PCNT: variants seen among roughly 807,000 people sequenced by gnomAD.
PCNT encodes the protein kendrin.
Under a neutral mutation model 380.4 loss-of-function variants are expected in PCNT, and 319 were observed. The ratio of observed to expected loss-of-function variants is 0.84; its 90% confidence interval spans 0.77 to 0.92. The LOEUF is 0.92. PCNT is among the 40% of genes least tolerant of loss of function. The pLI is 0.00. For missense variants in PCNT, 4,400 were observed against 4,255.3 expected, an observed-to-expected ratio of 1.03 and a Z score of -0.95; for synonymous variants, 1,845 against 1,735.2, an observed-to-expected ratio of 1.06 and a Z score of -1.57.
chr21:46,378,562 A>T (rs986795933), intron 15 of PCNT, among the ~76,000 whole-genome samples: 4 of 152,074 alleles, frequency 2.6e-5, no homozygotes, highest in Non-Finnish European at 5.9e-5. Context: ...CTGGCCTGCG[A>T]GATTTCCTCA....
chr21:46,402,629 C>T, intron 27 of PCNT, 146 bp downstream of exon 27: 2 of 808,390 alleles, frequency 2.5e-6, no homozygotes, highest in Non-Finnish European at 4.2e-6. Context: ...CAGAGAGCGC[C>T]CGATTCTGCC....
chr21:46,441,921 A>G (rs979330979), intron 43 of PCNT, among the ~76,000 whole-genome samples: 4 of 152,122 alleles, frequency 2.6e-5, no homozygotes, highest in African/African-American at 4.8e-5. Context: ...AGTGTCTGCT[A>G]TGCCTCAAAG....
chr21:46,389,381 A>C lies in PCNT; in HGVS notation c.3790A>C (p.Ser1264Arg), dbSNP rs770075787. ...QPIRRVFQSLSLAVDGLMEMA... is the reference protein window; with the variant it reads ...QPIRRVFQSLRLAVDGLMEMA... Reference sequence around the variant, plus strand: ...CATCCGGAGGGTCTTCCAGAGCCTCAGCCTGGCCGTGGACGGCCTCATGGA... The same window carrying C: ...CATCCGGAGGGTCTTCCAGAGCCTCCGCCTGGCCGTGGACGGCCTCATGGA... The change falls in exon 19 of 47, where the codon AGC becomes CGC. Residue 1264 changes from serine to arginine, a missense_variant. Ser to Arg is a moderately radical substitution (Grantham distance 110, BLOSUM62 -1). Coordinates refer to ENST00000359568, the MANE Select transcript of PCNT (RefSeq NM_006031.6). 3.7e-6 allele frequency: 6 copies of C among 1,614,066 alleles called. No individual in the cohort carries two copies. In the Admixed American group the frequency reaches 6.7e-5, roughly 18 times the overall value.
chr21:46,328,166 G>A (rs993085637), intron 2 of PCNT, among the ~76,000 whole-genome samples: 2 of 151,870 alleles, frequency 1.3e-5, no homozygotes, highest in Admixed American at 1.3e-4. Flanking sequence ...TTGAGTTGTT[G>A]GCAACAGTTA....
Position 46,331,876 on chromosome 21 carries a change from C to G in PCNT, c.268-2521C>G, listed in dbSNP as rs896634359. ...GGCCATTTTTTGGTAAAAGAACCAT[C>G]TGGCGGGACGCATTGGCTCATGCCT... On this transcript the variant is annotated intron_variant, in intron 2 of 46. Coordinates refer to ENST00000359568, the MANE Select transcript of PCNT (RefSeq NM_006031.6). 2.6e-5 allele frequency among the ~76,000 whole-genome samples: 4 copies of G among 152,116 alleles called. No individual in the cohort carries two copies. The East Asian group carries it at 7.7e-4, about 29-fold the overall frequency.
chr21:46,381,127 A>G (rs2085516351), intron 15 of PCNT, among the ~76,000 whole-genome samples: 1 of 149,420 alleles, frequency 6.7e-6, no homozygotes. Flanking sequence ...TAGTGAGCTG[A>G]GATCACACCA....
chr21:46,353,985 A>C lies in PCNT; in HGVS notation c.1680-2A>C. ...AGCTTTTATAAAATGTTTTCCCTTC[A>C]GGTTGTCCTGTGTGGGTTTAGAAGA... On this transcript the variant is annotated splice_acceptor_variant, in intron 10 of 46. Coordinates refer to ENST00000359568, the MANE Select transcript of PCNT (RefSeq NM_006031.6). LOFTEE classifies it high-confidence loss of function. 1.9e-6 allele frequency: 3 copies of C among 1,612,966 alleles called. No individual in the cohort carries two copies. The highest frequency in any genetic ancestry group is 1.7e-6 in the Non-Finnish European group (2 of 1,178,948).
rs975778078 is a variant in PCNT at position 46,436,765 on chromosome 21, C to T, written c.8997-214C>T. On this transcript the variant is annotated intron_variant, in intron 39 of 46. Coordinates refer to ENST00000359568, the MANE Select transcript of PCNT (RefSeq NM_006031.6). Reference sequence around the variant, plus strand: ...TTCCCGTGCTCGGTGGCGCGCCTCCCGGCTGGAGGTTTCTGAGCTCTGCAG... The same window carrying T: ...TTCCCGTGCTCGGTGGCGCGCCTCCTGGCTGGAGGTTTCTGAGCTCTGCAG... Among the ~76,000 whole-genome samples the T allele has an allele frequency of 4.6e-5, 7 of 152,262 alleles. No individual in the cohort carries two copies. The East Asian group carries it at 5.8e-4, about 13-fold the overall frequency.
intron 31 of PCNT, among the ~76,000 whole-genome samples, chr21:46,419,656 G>T (rs1301133703): frequency 6.6e-6 from 1 of 152,180 alleles, no homozygotes; most frequent in Non-Finnish European, 1.5e-5. Flanking sequence ...CAGTGTCCAG[G>T]TGAATGTCAT....
chr21:46,332,865 T>G (rs570103630), intron 2 of PCNT, among the ~76,000 whole-genome samples: 31 of 152,290 alleles, frequency 2.0e-4, no homozygotes, highest in African/African-American at 7.2e-4. Flanking sequence ...TGCCAGCATT[T>G]TGGGATGCTG....
intron 29 of PCNT, among the ~76,000 whole-genome samples, chr21:46,414,339 C>G (rs931079317): frequency 6.6e-6 from 1 of 152,112 alleles, no homozygotes; most frequent in African/African-American, 2.4e-5. Flanking sequence ...CTCCTCCAGT[C>G]CAAGGCCCAG....
At chr21:46,397,130 G>A (rs751419488) in intron 21 of PCNT, 135 bp from the exon 22 acceptor site, 75 of 726,976 alleles carry the variant, frequency 1.0e-4, no homozygotes, top group Non-Finnish European at 1.2e-4. Flanking sequence ...TTTAAAAGAT[G>A]GGCGTTTTAC....
In PCNT at chr21:46,432,231, C is replaced by T. The variant is rs747366106; in HGVS notation, c.8751+16C>T. ...GGAGAAGCTGGTGAGAGCCGCCTGC[C>T]GGCGGAGCGTCCACACCTAAAAACG... On this transcript the variant is annotated intron_variant, in intron 38 of 46. Transcript: ENST00000359568. 18 of 1,595,818 alleles carry T rather than the reference C, an allele frequency of 1.1e-5. No individual in the cohort carries two copies. The highest frequency in any genetic ancestry group is 5.6e-5 in the South Asian group (5 of 89,368).
rs1264878373 is a variant in PCNT at position 46,411,235 on chromosome 21, T to C, written c.5162T>C (p.Ile1721Thr). Reference protein sequence around the residue: ...SSEIEELKATIENLQENQKRL... With the variant: ...SSEIEELKATTENLQENQKRL... ...GAGATTGAAGAGCTGAAAGCCACTA[T>C]TGAAAATCTGCAAGAGAATCAGAAA... Residue 1721 changes from isoleucine to threonine, a missense_variant, in exon 28 of 47, where the codon ATT (isoleucine) becomes ACT (threonine). Coordinates refer to ENST00000359568, the MANE Select transcript of PCNT (RefSeq NM_006031.6). The C allele has an allele frequency of 6.2e-6, 10 of 1,614,162 alleles. No individual in the cohort carries two copies. Among genetic ancestry groups the C allele is most frequent in the Non-Finnish European group, 8.5e-6 (10 of 1,180,012 alleles).
At chr21:46,380,381 C>T (rs796288033) in intron 15 of PCNT, among the ~76,000 whole-genome samples, 44 of 151,846 alleles carry the variant, frequency 2.9e-4, no homozygotes, top group African/African-American at 8.2e-4. Context: ...AGGATGGTCT[C>T]GATCTCCTGA....
Position 46,421,990 on chromosome 21 carries a change from G to C in PCNT, c.7045G>C (p.Ala2349Pro), listed in dbSNP as rs772025323. Residue 2349 changes from alanine to proline, a missense_variant, in exon 32 of 47, where the codon GCA (alanine) becomes CCA (proline). Ala to Pro is a conservative substitution (Grantham distance 27). Coordinates refer to ENST00000359568, the MANE Select transcript of PCNT (RefSeq NM_006031.6). Reference sequence around the variant, plus strand: ...TTTAGGTGACGGCTCGGGTTTTGGAGCAAGACTGAGCCCGGGGTCAGGAGG... The same window carrying C: ...TTTAGGTGACGGCTCGGGTTTTGGACCAAGACTGAGCCCGGGGTCAGGAGG... ...SEKSDGSGFGARLSPGSGGPE... is the reference protein window; with the variant it reads ...SEKSDGSGFGPRLSPGSGGPE... 1.7e-5 allele frequency: 27 copies of C among 1,614,008 alleles called. No homozygotes were observed. The Admixed American group carries it at 4.5e-4, about 27-fold the overall frequency.
chr21:46,378,368 TGAATTGCAGCATTG>T (rs765375430), intron 15 of PCNT, among the ~76,000 whole-genome samples: 1 of 152,240 alleles, frequency 6.6e-6, no homozygotes, highest in Non-Finnish European at 1.5e-5. Context: ...CTGGCACGTC[TGAATTGCAGCATTG>T]CAATTGAACG....
At chr21:46,375,875 GGACA>G (rs1569219364) in intron 15 of PCNT, among the ~76,000 whole-genome samples, 1 of 152,236 alleles carries the variant, frequency 6.6e-6, no homozygotes, top group Non-Finnish European at 1.5e-5. Flanking sequence ...GGCCAAGCGT[GGACA>G]GTTAGGGTGG....
intron 43 of PCNT, among the ~76,000 whole-genome samples, chr21:46,441,544 G>A (rs1209467216): frequency 4.6e-5 from 7 of 152,094 alleles, no homozygotes; most frequent in East Asian, 1.9e-4. Context: ...CAGTCATCGC[G>A]GCTGCAGGCT....
Sources: allele counts gnomAD v4.1 joint callset (sites outside exome capture counted in the v4.1 genomes callset), GRCh38; gene constraint gnomAD v4.1.1; transcripts MANE v1.5; gene names NCBI Gene and HGNC (gene_info 2026-07-23, HGNC 2026-07-21).